ZDHHC20: variants seen among roughly 807,000 people sequenced by gnomAD.
ZDHHC20 encodes zDHHC palmitoyltransferase 20.
In ZDHHC20, 43 loss-of-function variants were observed where a neutral mutation model predicts 57.8. That is an observed-to-expected ratio of 0.74 (90% CI 0.58 to 0.96). ZDHHC20 has a LOEUF of 0.96. Among genes scored for constraint, ZDHHC20 ranks in the 40% least tolerant of loss-of-function variants. ZDHHC20 has a pLI of 0.00. For synonymous variants in ZDHHC20, 157 were observed against 153.0 expected (o/e 1.03, Z -0.19); for missense variants, 391 against 441.1 (o/e 0.89, Z 1.02).
chr13:21,437,182 G>A (rs542822311), intron 1 of ZDHHC20, among the ~76,000 whole-genome samples: 26 of 152,218 alleles, frequency 1.7e-4, no homozygotes, highest in African/African-American at 6.3e-4. Context: ...GAAAGCTGCA[G>A]GAAAAAAGTC....
At chr13:21,397,131 A>G (rs1876916097) in intron 7 of ZDHHC20, among the ~76,000 whole-genome samples, 1 of 152,128 alleles carries the variant, frequency 6.6e-6, no homozygotes, top group Non-Finnish European at 1.5e-5. Context: ...GCAGTGGCTC[A>G]TGCCTGTAAT....
chr13:21,412,805 C>A (rs1164343025), intron 4 of ZDHHC20, among the ~76,000 whole-genome samples: 2 of 151,874 alleles, frequency 1.3e-5, no homozygotes, highest in Non-Finnish European at 2.9e-5. Flanking sequence ...CCCATCTCTA[C>A]TAAAAATACA....
At chr13:21,453,794 G>A (rs1884672797) in intron 1 of ZDHHC20, among the ~76,000 whole-genome samples, 1 of 152,164 alleles carries the variant, frequency 6.6e-6, no homozygotes, top group East Asian at 1.9e-4. Context: ...TTGCGCCATT[G>A]CACTCCAGCC....
At chr13:21,410,476 G>C (rs1486847182) in intron 4 of ZDHHC20, among the ~76,000 whole-genome samples, 1 of 152,204 alleles carries the variant, frequency 6.6e-6, no homozygotes, top group Non-Finnish European at 1.5e-5. Flanking sequence ...TCTTCCCCCA[G>C]GTGCTGTGTC....
chr13:21,440,428 T>C (rs1394112859), intron 1 of ZDHHC20, among the ~76,000 whole-genome samples: 3 of 151,996 alleles, frequency 2.0e-5, no homozygotes, highest in Non-Finnish European at 4.4e-5. Context: ...TTGGCCAACA[T>C]GGTGAAACCC....
intron 2 of ZDHHC20, among the ~76,000 whole-genome samples, chr13:21,422,599 C>T (rs1246393219): frequency 6.6e-6 from 1 of 151,772 alleles, no homozygotes; most frequent in African/African-American, 2.4e-5. Flanking sequence ...AATTCTAGCT[C>T]CTAAAATTTC....
At chr13:21,445,340 C>G (rs1370975192) in intron 1 of ZDHHC20, among the ~76,000 whole-genome samples, 3 of 152,084 alleles carry the variant, frequency 2.0e-5, no homozygotes, top group African/African-American at 4.8e-5. Flanking sequence ...AGATCTTTAA[C>G]CTATGAGTCT....
At chr13:21,434,790 T>A (rs1049494754) in intron 1 of ZDHHC20, among the ~76,000 whole-genome samples, 1 of 132,896 alleles carries the variant, frequency 7.5e-6, no homozygotes, top group African/African-American at 2.7e-5. Context: ...TTTTTTTTTT[T>A]AAAGCATTGC....
intron 5 of ZDHHC20, among the ~76,000 whole-genome samples, chr13:21,402,299 C>T (rs1052565619): frequency 2.0e-5 from 3 of 152,020 alleles, no homozygotes; most frequent in Non-Finnish European, 2.9e-5. Flanking sequence ...TGCATAAGCA[C>T]TACTGTATTT....
chr13:21,400,895 G>A (rs560801690), intron 6 of ZDHHC20, among the ~76,000 whole-genome samples: 8 of 151,974 alleles, frequency 5.3e-5, no homozygotes, highest in Admixed American at 1.3e-4. Context: ...ATTTTTAGTA[G>A]AGATGGGGTT....
intron 1 of ZDHHC20, among the ~76,000 whole-genome samples, chr13:21,442,413 C>G (rs1308963961): frequency 6.6e-6 from 1 of 152,268 alleles, no homozygotes; most frequent in Admixed American, 6.5e-5. Flanking sequence ...TTGAACAGCT[C>G]TTATTTCAGA....
At chr13:21,435,498 A>G (rs1882449290) in intron 1 of ZDHHC20, among the ~76,000 whole-genome samples, 1 of 152,222 alleles carries the variant, frequency 6.6e-6, no homozygotes, top group Non-Finnish European at 1.5e-5. Context: ...ACTGGCTCCT[A>G]CTGGCCAAAT....
At chr13:21,431,651 T>C (rs1373028489) in intron 1 of ZDHHC20, among the ~76,000 whole-genome samples, 4 of 152,224 alleles carry the variant, frequency 2.6e-5, no homozygotes, top group Middle Eastern at 3.2e-3. Context: ...ATACTTAGAA[T>C]TGACAGTTTT....
chr13:21,407,117 T>C (rs1251073392), intron 4 of ZDHHC20, among the ~76,000 whole-genome samples: 2 of 152,140 alleles, frequency 1.3e-5, no homozygotes, highest in Admixed American at 1.3e-4. Flanking sequence ...GCCTCTTGAG[T>C]AGCTGGGATT....
At chr13:21,379,589 AC>A (rs765386402) in intron 11 of ZDHHC20, among the ~76,000 whole-genome samples, 1 of 151,508 alleles carries the variant, frequency 6.6e-6, no homozygotes, top group African/African-American at 2.4e-5. Flanking sequence ...ACCCAAAACC[AC>A]TTTTCTATAG....
At chr13:21,392,601 A>T (rs1875940782) in intron 7 of ZDHHC20, among the ~76,000 whole-genome samples, 1 of 152,216 alleles carries the variant, frequency 6.6e-6, no homozygotes, top group Non-Finnish European at 1.5e-5. Context: ...TTATGGCTAT[A>T]TACATTTTAA....
At chr13:21,383,357 C>T (rs981384093) in intron 9 of ZDHHC20, among the ~76,000 whole-genome samples, 3 of 152,200 alleles carry the variant, frequency 2.0e-5, no homozygotes, top group African/African-American at 7.2e-5. Context: ...CTGGCACATA[C>T]TCTTGTTGTC....
Position 21,432,610 on chromosome 13 carries a change from G to A in ZDHHC20, c.119-6932C>T, listed in dbSNP as rs181661560. ...GCCTCCCAAAGTGCTGGGATTACAG[G>A]CATGAGACATCTCTCCTGGACAACT... On this transcript the variant is annotated intron_variant, in intron 1 of 12. Transcript: ENST00000400590. Among the ~76,000 whole-genome samples the A allele has an allele frequency of 1.4e-3, 217 of 152,232 alleles. 1 individual carries two copies. Among genetic ancestry groups the A allele is most frequent in the African/African-American group, 5.1e-3 (213 of 41,530 alleles).
intron 7 of ZDHHC20, among the ~76,000 whole-genome samples, chr13:21,398,620 C>G (rs1877177209): frequency 6.6e-6 from 1 of 152,172 alleles, no homozygotes; most frequent in Non-Finnish European, 1.5e-5. Context: ...TTCTATACCT[C>G]AGTTTCATAC....
Sources: allele counts gnomAD v4.1 joint callset (sites outside exome capture counted in the v4.1 genomes callset), GRCh38; gene constraint gnomAD v4.1.1; transcripts MANE v1.5; gene names NCBI Gene and HGNC (gene_info 2026-07-23, HGNC 2026-07-21).